The following MARCHF7 variants were observed in gnomAD, a reference collection of about 807,000 sequenced individuals.
MARCHF7 encodes membrane associated ring-CH-type finger 7, also known as E3 ubiquitin-protein ligase MARCHF7.
Under a neutral mutation model 76.5 loss-of-function variants are expected in MARCHF7, and 20 were observed. The observed-to-expected ratio is 0.26, with a 90% CI of 0.18 to 0.38. The LOEUF is 0.38. MARCHF7 is among the 10% of genes least tolerant of loss of function. The probability of loss-of-function intolerance (pLI) is 1.00; values close to 1 mark genes in which losing one functional copy is unlikely to be tolerated. For synonymous variants in MARCHF7, 295 were observed against 293.0 expected, an observed-to-expected ratio of 1.01 and a Z score of -0.07; for missense variants, 797 against 812.9, an observed-to-expected ratio of 0.98 and a Z score of 0.24.
intron 5 of MARCHF7, among the ~76,000 whole-genome samples, chr2:159,744,935 G>C (rs1026294811): frequency 6.6e-6 from 1 of 152,060 alleles, no homozygotes; most frequent in Non-Finnish European, 1.5e-5. Context: ...ATAAAATTAC[G>C]ATAACTGTAA....
chr2:159,730,662 T>G (rs528248728), intron 4 of MARCHF7, among the ~76,000 whole-genome samples: 54 of 152,216 alleles, frequency 3.5e-4, no homozygotes, highest in Non-Finnish European at 6.8e-4. Flanking sequence ...TCATATATTT[T>G]GCCTTCTGTA....
chr2:159,713,549 C>G (rs1244172745), intron 1 of MARCHF7, among the ~76,000 whole-genome samples: 1 of 152,180 alleles, frequency 6.6e-6, no homozygotes, highest in South Asian at 2.1e-4. Flanking sequence ...AAATCTCCAC[C>G]TTTCTGTCCA....
chr2:159,754,992 C>A (rs148492325), intron 8 of MARCHF7, among the ~76,000 whole-genome samples: 342 of 152,258 alleles, frequency 2.2e-3, no homozygotes, highest in African/African-American at 7.7e-3. Flanking sequence ...AAGCAGTTTT[C>A]AGATGCTTGG....
intron 9 of MARCHF7, among the ~76,000 whole-genome samples, chr2:159,760,047 G>T (rs548155791): frequency 2.2e-3 from 329 of 152,242 alleles, no homozygotes; most frequent in African/African-American, 7.3e-3. Flanking sequence ...CGCCATCTCT[G>T]TTTAGTTCCA....
rs1700292068 is a variant in MARCHF7 at position 159,712,584 on chromosome 2, G to A, written c.-165G>A. 1 of 152,784 alleles carries A rather than the reference G, an allele frequency of 6.5e-6. No individual in the cohort carries two copies. 9.5% of individuals were successfully genotyped at this position (152,784 alleles called of 1,614,324 possible). ...CTGCATTTCCTCAGTCACGGGCCTAGAACTCCAAGGAGAAAGGCGGCGGTG... is the reference window on the plus strand; with the variant it reads ...CTGCATTTCCTCAGTCACGGGCCTAAAACTCCAAGGAGAAAGGCGGCGGTG... On this transcript the variant is annotated 5_prime_UTR_variant, in exon 1 of 12. Transcript: ENST00000409175.
intron 4 of MARCHF7, among the ~76,000 whole-genome samples, chr2:159,731,555 GACCAGCCTAACCAACATGGAGAA>G (rs1376797622): frequency 6.7e-6 from 1 of 150,060 alleles, no homozygotes; most frequent in African/African-American, 2.5e-5. Flanking sequence ...GGGAGTTTGA[GACCAGCCTAACCAACATGGAGAA>G]ACCCCGTCTC....
In MARCHF7 at chr2:159,769,347, A is replaced by G. The variant is rs946834248; in HGVS notation, c.*2005A>G. 6.6e-6 allele frequency: 1 copy of G among 152,192 alleles called. No individual in the cohort carries two copies. The highest frequency in any genetic ancestry group is 2.4e-5 in the African/African-American group (1 of 41,446). 9.4% of individuals were successfully genotyped at this position (152,192 alleles called of 1,614,324 possible). On this transcript the variant is annotated 3_prime_UTR_variant, in exon 12 of 12. Coordinates refer to ENST00000409175, the MANE Select transcript of MARCHF7 (RefSeq NM_001282805.2). Reference sequence around the variant, plus strand: ...GCCTGTTATAGATGTTCTGGTATATAAAGAAAAAATGTAGGCCAAGTGTGG... The same window carrying G: ...GCCTGTTATAGATGTTCTGGTATATGAAGAAAAAATGTAGGCCAAGTGTGG...
At chr2:159,745,210 A>T (rs996517017) in intron 5 of MARCHF7, among the ~76,000 whole-genome samples, 1 of 152,210 alleles carries the variant, frequency 6.6e-6, no homozygotes, top group Non-Finnish European at 1.5e-5. Flanking sequence ...AGACATTGAC[A>T]TTGTGTATGG....
rs527720283 is a variant in MARCHF7, at chr2:159,762,825, A to G, written c.1894-55A>G. 1.2e-5 allele frequency: 12 copies of G among 1,034,334 alleles called. No homozygotes were observed. The African/African-American group carries it at 1.9e-4, about 16-fold the overall frequency. The allele number at this position is 1,034,334 out of a possible 1,614,324, so 64.1% of individuals were successfully genotyped here. On this transcript the variant is annotated intron_variant, in intron 9 of 11. Transcript: ENST00000409175. ...TACTGTGAGTATCAATCTCAATTCT[A>G]CTAATTTTTCATTCTCTGTATTTTT...
chr2:159,720,839 A>T (rs907814206), intron 3 of MARCHF7, among the ~76,000 whole-genome samples: 8 of 152,170 alleles, frequency 5.3e-5, no homozygotes, highest in African/African-American at 1.9e-4. Context: ...GAGCTGGTTT[A>T]CTTCTATTAA....
At chr2:159,762,713 A>T (rs900718984) in intron 9 of MARCHF7, among the ~76,000 whole-genome samples, 167 bp from the exon 10 acceptor site, 1 of 152,218 alleles carries the variant, frequency 6.6e-6, no homozygotes, top group Non-Finnish European at 1.5e-5. Flanking sequence ...TTATGAAATT[A>T]TAAAGATATT....
intron 2 of MARCHF7, among the ~76,000 whole-genome samples, chr2:159,715,343 A>G (rs72961741): frequency 0.021 from 3,235 of 150,922 alleles, 35 homozygotes; most frequent in Non-Finnish European, 0.034. Flanking sequence ...TGAAATTATA[A>G]TTTGAGAGTT....
At chr2:159,739,805 C>G (rs1574317036) in intron 4 of MARCHF7, among the ~76,000 whole-genome samples, 1 of 152,172 alleles carries the variant, frequency 6.6e-6, no homozygotes, top group Non-Finnish European at 1.5e-5. Flanking sequence ...ATTATGTATA[C>G]TGATATGTAT....
chr2:159,731,367 G>C (rs1702766588), intron 4 of MARCHF7, among the ~76,000 whole-genome samples: 1 of 152,104 alleles, frequency 6.6e-6, no homozygotes, highest in Non-Finnish European at 1.5e-5. Flanking sequence ...CTAAAATCCT[G>C]AATATATTTA....
chr2:159,740,737 T>C (rs995064309), intron 4 of MARCHF7, among the ~76,000 whole-genome samples: 4 of 152,214 alleles, frequency 2.6e-5, no homozygotes, highest in African/African-American at 9.6e-5. Context: ...TTACAAAATA[T>C]TCTCTAGGCA....
At chr2:159,746,794 A>AT (rs980390427) in intron 6 of MARCHF7, among the ~76,000 whole-genome samples, 3 of 152,204 alleles carry the variant, frequency 2.0e-5, no homozygotes, top group African/African-American at 7.2e-5. Context: ...GTAGGCAGAA[A>AT]TGGAGTTTGA....
At chr2:159,726,713 A>C (rs1702215234) in intron 3 of MARCHF7, among the ~76,000 whole-genome samples, 2 of 152,192 alleles carry the variant, frequency 1.3e-5, no homozygotes, top group Admixed American at 1.3e-4. Flanking sequence ...GGATATATTC[A>C]TAATGTTGTG....
chr2:159,756,602 G>A (rs371392676), intron 8 of MARCHF7, among the ~76,000 whole-genome samples: 2 of 144,960 alleles, frequency 1.4e-5, no homozygotes, highest in Admixed American at 7.2e-5. Context: ...CAAGAGAATC[G>A]CTTGAACCCA....
intron 7 of MARCHF7, among the ~76,000 whole-genome samples, chr2:159,749,748 G>A (rs1342807164): frequency 5.3e-5 from 8 of 151,774 alleles, no homozygotes; most frequent in South Asian, 4.2e-4. Flanking sequence ...GGGGGGGGCG[G>A]TTGTGAATTG....
Sources: allele counts gnomAD v4.1 joint callset (sites outside exome capture counted in the v4.1 genomes callset), GRCh38; gene constraint gnomAD v4.1.1; transcripts MANE v1.5; gene names NCBI Gene and HGNC (gene_info 2026-07-23, HGNC 2026-07-21).